CAMK1D: variants seen among roughly 807,000 people sequenced by gnomAD.
CAMK1D encodes calcium/calmodulin-dependent protein kinase type 1D.
CAMK1D carries 9 observed loss-of-function variants against 47.7 expected under a neutral mutation model. The observed-to-expected ratio is 0.19, with a 90% CI of 0.11 to 0.33. The LOEUF (loss-of-function observed/expected upper bound fraction) is 0.33, where lower values mean the gene tolerates loss of function less well. Among genes scored for constraint, CAMK1D ranks in the 10% least tolerant of loss-of-function variants. The pLI, the probability that CAMK1D is intolerant of heterozygous loss-of-function variation, is 1.00. For missense variants in CAMK1D, 291 were observed against 488.7 expected, an observed-to-expected ratio of 0.60 and a Z score of 3.81; for synonymous variants, 184 against 184.9, an observed-to-expected ratio of 0.99 and a Z score of 0.04.
At chr10:12,761,856 A>T (rs917857865) in intron 4 of CAMK1D, among the ~76,000 whole-genome samples, 4 of 152,256 alleles carry the variant, frequency 2.6e-5, no homozygotes, top group Non-Finnish European at 2.9e-5. Context: ...ACTGCAGTCC[A>T]GCCTGGCAAC....
At position 12,507,794 on chromosome 10, in the gene CAMK1D, A is replaced by G. The variant is rs111501325; in HGVS notation, c.93-45431A>G. On this transcript the variant is annotated intron_variant, in intron 1 of 10. Transcript: ENST00000619168. ...GTTAATTCCTTGCCGTCTGCCTTGC[A>G]TAATGCATTTGTCTTTTTCTGTCTC... Among the ~76,000 whole-genome samples, 525 of 152,178 alleles carry G rather than the reference A, an allele frequency of 3.4e-3. 1 individual carries two copies. The highest frequency in any genetic ancestry group is 0.012 in the African/African-American group (509 of 41,536).
intron 3 of CAMK1D, among the ~76,000 whole-genome samples, chr10:12,704,438 C>G (rs1383038629): frequency 6.6e-6 from 1 of 152,072 alleles, no homozygotes; most frequent in East Asian, 1.9e-4. Flanking sequence ...CATTTATCTG[C>G]TATAGCTGGC....
chr10:12,596,470 G>A (rs1159838152), intron 2 of CAMK1D, among the ~76,000 whole-genome samples: 1 of 152,132 alleles, frequency 6.6e-6, no homozygotes, highest in Non-Finnish European at 1.5e-5. Context: ...TTTACATTGG[G>A]CTTCATTTGG....
chr10:12,772,278 C>T (rs1042281749), intron 5 of CAMK1D, among the ~76,000 whole-genome samples: 3 of 152,180 alleles, frequency 2.0e-5, no homozygotes, highest in Admixed American at 6.5e-5. Flanking sequence ...GTGGGGAGAG[C>T]CTGTTCCAAC....
intron 4 of CAMK1D, among the ~76,000 whole-genome samples, chr10:12,766,328 T>C (rs1836759871): frequency 8.3e-6 from 1 of 120,298 alleles, no homozygotes; most frequent in Non-Finnish European, 1.6e-5. Flanking sequence ...TGCAGATGGG[T>C]TCTCTGCCTG....
At chr10:12,782,677 C>G (rs1461944071) in intron 5 of CAMK1D, among the ~76,000 whole-genome samples, 1 of 152,192 alleles carries the variant, frequency 6.6e-6, no homozygotes, top group Non-Finnish European at 1.5e-5. Flanking sequence ...GGTGGAAGTT[C>G]CTCAAGGACC....
chr10:12,377,780 A>G (rs899360389), intron 1 of CAMK1D, among the ~76,000 whole-genome samples: 4 of 152,214 alleles, frequency 2.6e-5, no homozygotes, highest in Admixed American at 2.0e-4. Flanking sequence ...CTTAAGACAG[A>G]TGATCTGGCA....
intron 10 of CAMK1D, among the ~76,000 whole-genome samples, chr10:12,828,449 TG>T (rs1297273289): frequency 6.6e-6 from 1 of 152,076 alleles, no homozygotes; most frequent in East Asian, 1.9e-4. Flanking sequence ...GAGACCAGCC[TG>T]GCCAACATGG....
chr10:12,717,799 T>G (rs1588842698), intron 3 of CAMK1D, among the ~76,000 whole-genome samples: 1 of 133,486 alleles, frequency 7.5e-6, no homozygotes, highest in East Asian at 2.1e-4. Flanking sequence ...GAGGCTGAAG[T>G]GGGAGGATTG....
intron 5 of CAMK1D, among the ~76,000 whole-genome samples, chr10:12,776,987 G>A (rs1837275398): frequency 1.3e-5 from 2 of 152,226 alleles, no homozygotes; most frequent in African/African-American, 4.8e-5. Context: ...TGACCACAAA[G>A]TATTGATTTG....
chr10:12,667,682 A>G (rs189783460), intron 3 of CAMK1D, among the ~76,000 whole-genome samples: 243 of 152,318 alleles, frequency 1.6e-3, no homozygotes, highest in Non-Finnish European at 2.4e-3. Context: ...TAGAATATAG[A>G]CTTAATTTCA....
chr10:12,630,348 G>C (rs925274542), intron 2 of CAMK1D, among the ~76,000 whole-genome samples: 12 of 138,684 alleles, frequency 8.7e-5, no homozygotes, highest in Non-Finnish European at 1.7e-4. Flanking sequence ...TCCAAATTCT[G>C]CTAAGATTTA....
intron 1 of CAMK1D, among the ~76,000 whole-genome samples, chr10:12,453,213 G>C (rs1402420446): frequency 6.8e-6 from 1 of 147,370 alleles, no homozygotes; most frequent in Admixed American, 6.8e-5. Flanking sequence ...TTTTTGAGAT[G>C]GAGTTTCACT....
intron 2 of CAMK1D, among the ~76,000 whole-genome samples, chr10:12,658,258 A>T (rs1169903595): frequency 1.3e-5 from 2 of 152,140 alleles, no homozygotes; most frequent in African/African-American, 4.8e-5. Context: ...GTCTTAAAGG[A>T]TGAGTATTTT....
chr10:12,741,982 A>G lies in CAMK1D; in HGVS notation c.300-18966A>G, dbSNP rs545875324. On this transcript the variant is annotated intron_variant, in intron 3 of 10. Transcript: ENST00000619168. ...CAGCTAAGAGCTGGCCTCAGCCAAC[A>G]GTGCCAGCATCTGGGGTGTCCTGAA... Among the ~76,000 whole-genome samples the G allele has an allele frequency of 4.6e-5, 7 of 152,322 alleles. No individual in the cohort carries two copies. The South Asian group carries it at 8.3e-4, about 18-fold the overall frequency.
chr10:12,558,994 C>G (rs192519014), intron 2 of CAMK1D, among the ~76,000 whole-genome samples: 1 of 152,184 alleles, frequency 6.6e-6, no homozygotes, highest in East Asian at 1.9e-4. Flanking sequence ...TTAAAATCAC[C>G]TAGGAAGCTC....
At chr10:12,776,288 G>T (rs1057254909) in intron 5 of CAMK1D, among the ~76,000 whole-genome samples, 2 of 152,222 alleles carry the variant, frequency 1.3e-5, no homozygotes, top group African/African-American at 4.8e-5. Context: ...TGATAACCCT[G>T]GGAGGGTGCA....
At chr10:12,810,565 A>G (rs1832562421) in intron 6 of CAMK1D, among the ~76,000 whole-genome samples, 1 of 152,138 alleles carries the variant, frequency 6.6e-6, no homozygotes, top group Admixed American at 6.6e-5. Context: ...GTGAGCCACC[A>G]CACCCGGCCC....
At chr10:12,668,813 C>T (rs1021029129) in intron 3 of CAMK1D, among the ~76,000 whole-genome samples, 1 of 152,092 alleles carries the variant, frequency 6.6e-6, no homozygotes, top group African/African-American at 2.4e-5. Context: ...TGGAACAAAA[C>T]CAACCTCAGA....
Sources: gnomAD v4.1 joint callset for allele counts (sites outside exome capture counted in the v4.1 genomes callset) on GRCh38, gnomAD v4.1.1 for gene constraint, MANE v1.5 for transcripts, NCBI Gene and HGNC (gene_info 2026-07-23, HGNC 2026-07-21) for gene names.